Variants in RPRD1A observed in about 807,000 individuals in gnomAD.
RPRD1A encodes the protein regulation of nuclear pre-mRNA domain-containing protein 1A.
A neutral mutation model predicts 37.8 loss-of-function variants in RPRD1A; 9 were observed. That is an observed-to-expected ratio of 0.24 (90% CI 0.14 to 0.42). The LOEUF (loss-of-function observed/expected upper bound fraction) is 0.42. Among genes scored for constraint, RPRD1A ranks in the 10% least tolerant of loss-of-function variants. The pLI, the probability that RPRD1A is intolerant of heterozygous loss-of-function variation, is 1.00. For missense variants in RPRD1A, 255 were observed against 371.0 expected (o/e 0.69, Z 2.57); for synonymous variants, 138 against 139.7 (o/e 0.99, Z 0.08).
intron 1 of RPRD1A, among the ~76,000 whole-genome samples, chr18:36,053,655 GT>G (rs1913556347): frequency 6.6e-6 from 1 of 152,124 alleles, no homozygotes; most frequent in South Asian, 2.1e-4. Context: ...TTGAATATTT[GT>G]TTTCAAGTCT....
At chr18:36,050,628 C>T (rs567637696) in intron 1 of RPRD1A, among the ~76,000 whole-genome samples, 36 of 151,912 alleles carry the variant, frequency 2.4e-4, no homozygotes, top group African/African-American at 8.2e-4. Flanking sequence ...TCAATAAGTA[C>T]ATGAAACTAT....
At chr18:36,006,598 G>T (rs1186345430) in intron 6 of RPRD1A, among the ~76,000 whole-genome samples, 1 of 152,212 alleles carries the variant, frequency 6.6e-6, no homozygotes, top group South Asian at 2.1e-4. Flanking sequence ...AGAGGCCTAA[G>T]AATTCTGAGA....
chr18:35,993,939 T>C (rs552437827), intron 6 of RPRD1A, among the ~76,000 whole-genome samples: 1 of 152,212 alleles, frequency 6.6e-6, no homozygotes, highest in East Asian at 1.9e-4. Context: ...TTCCTTCTTA[T>C]GCGTGGAGGA....
Position 35,993,011 on chromosome 18 carries a change from AAAC to A in RPRD1A, c.*137_*139del. 1.5e-6 allele frequency: 1 copy of A among 665,054 alleles called. No individual in the cohort carries two copies. The highest frequency in any genetic ancestry group is 2.2e-6 in the Non-Finnish European group (1 of 448,118). 41.2% of individuals were successfully genotyped at this position (665,054 alleles called of 1,614,324 possible). On this transcript the variant is annotated 3_prime_UTR_variant, in exon 7 of 7. Coordinates refer to ENST00000399022, the MANE Select transcript of RPRD1A (RefSeq NM_018170.5). ...AAAATAGTAAACAAACCAACATTTT[AAAC>A]AATTTTATAAATTACTCGTTGTTCC...
chr18:36,050,846 A>G (rs1386783210), intron 1 of RPRD1A, among the ~76,000 whole-genome samples: 2 of 150,998 alleles, frequency 1.3e-5, no homozygotes, highest in Non-Finnish European at 2.9e-5. Context: ...CACCAGAATC[A>G]ATTTTTCTTT....
chr18:36,002,026 G>GCTTCTTTCAAGGTTTTTACGTTA (rs149934955), intron 6 of RPRD1A, among the ~76,000 whole-genome samples: 1 of 151,558 alleles, frequency 6.6e-6, no homozygotes, highest in East Asian at 1.9e-4. Flanking sequence ...TCCCCCTCTG[G>GCTTCTTTCAAGGTTTTTACGTTA]CTTCTTTCAA....
Position 35,990,997 on chromosome 18 carries a change from T to TA in RPRD1A, c.*2153dup, listed in dbSNP as rs929703030. 3 of 152,076 alleles carry TA rather than the reference T, an allele frequency of 2.0e-5. No homozygotes were observed. The highest frequency in any genetic ancestry group is 7.2e-5 in the African/African-American group (3 of 41,408). The allele number at this position is 152,076 out of a possible 1,614,324, so 9.4% of individuals were successfully genotyped here. On this transcript the variant is annotated 3_prime_UTR_variant, in exon 7 of 7. Coordinates refer to ENST00000399022, the MANE Select transcript of RPRD1A (RefSeq NM_018170.5). ...TTATCACAAATCTCATCAAGCTCTTTAAAAAAATAATGCATTTTTATCATA... is the reference window on the plus strand; with the variant it reads ...TTATCACAAATCTCATCAAGCTCTTTAAAAAAAATAATGCATTTTTATCATA...
At chr18:36,060,468 C>A (rs574608889) in intron 1 of RPRD1A, among the ~76,000 whole-genome samples, 114 of 152,272 alleles carry the variant, frequency 7.5e-4, no homozygotes, top group African/African-American at 2.7e-3. Flanking sequence ...TCTTTCACTT[C>A]TCCATTTTTC....
rs1206425466 is a variant in RPRD1A, at chr18:35,990,278, CTA to C, written c.*2871_*2872del. 2.0e-5 allele frequency: 3 copies of C among 152,244 alleles called. No individual in the cohort carries two copies. Among genetic ancestry groups the C allele is most frequent in the Admixed American group, 2.0e-4 (3 of 15,298 alleles). 9.4% of individuals were successfully genotyped at this position (152,244 alleles called of 1,614,324 possible). On this transcript the variant is annotated 3_prime_UTR_variant, in exon 7 of 7. Transcript: ENST00000399022. Reference sequence around the variant, plus strand: ...AGATTTCTCAGAATCAGTTCAGTAACTATACTTTAAAAAGATGAGTTGCTCAT... The same window carrying C: ...AGATTTCTCAGAATCAGTTCAGTAACTACTTTAAAAAGATGAGTTGCTCAT...
chr18:36,006,368 G>C (rs115471777), intron 6 of RPRD1A, among the ~76,000 whole-genome samples: 1,748 of 152,232 alleles, frequency 0.011, 42 homozygotes, highest in African/African-American at 0.04. Context: ...ATTATGTAGA[G>C]ACAGGGTCTC....
At chr18:36,034,682 C>T (rs1912064675) in intron 1 of RPRD1A, among the ~76,000 whole-genome samples, 1 of 152,090 alleles carries the variant, frequency 6.6e-6, no homozygotes, top group Admixed American at 6.6e-5. Context: ...CTTGTGGCAT[C>T]CATAGTACAG....
chr18:36,033,833 T>C lies in RPRD1A; in HGVS notation c.156A>G (p.Lys52=), dbSNP rs762723753. ...TVWERELRKA[K]PNRKLTFLYL... ...AGAGAAAAGTAAGCTTCCTGTTTGGTTTGGCTGAAAAATAAGAAAAAGTTA... is the reference window on the plus strand; with the variant it reads ...AGAGAAAAGTAAGCTTCCTGTTTGGCTTGGCTGAAAAATAAGAAAAAGTTA... The change falls in exon 2 of 7, where the codon AAA becomes AAG. Residue 52 remains lysine, a synonymous_variant. Coordinates refer to ENST00000399022, the MANE Select transcript of RPRD1A (RefSeq NM_018170.5). The C allele has an allele frequency of 9.0e-5, 144 of 1,598,910 alleles. No homozygotes were observed. Among genetic ancestry groups the C allele is most frequent in the Non-Finnish European group, 1.2e-4 (139 of 1,175,350 alleles).
At chr18:36,005,174 G>A (rs375082383) in intron 6 of RPRD1A, among the ~76,000 whole-genome samples, 3 of 151,862 alleles carry the variant, frequency 2.0e-5, no homozygotes, top group Admixed American at 6.6e-5. Flanking sequence ...GGTGGCGGGC[G>A]CCTGTAGTCC....
At chr18:35,997,139 C>T (rs543606146) in intron 6 of RPRD1A, among the ~76,000 whole-genome samples, 2 of 152,122 alleles carry the variant, frequency 1.3e-5, no homozygotes, top group East Asian at 3.9e-4. Context: ...AAATACAGTA[C>T]AAATTCCTAT....
intron 6 of RPRD1A, among the ~76,000 whole-genome samples, chr18:36,016,552 C>A (rs983380906): frequency 1.3e-5 from 2 of 152,104 alleles, no homozygotes; most frequent in Admixed American, 6.6e-5. Flanking sequence ...CTAACTCAAG[C>A]ATGAAAACCA....
chr18:36,018,759 G>T (rs1393056582), intron 6 of RPRD1A, among the ~76,000 whole-genome samples: 1 of 152,064 alleles, frequency 6.6e-6, no homozygotes, highest in Non-Finnish European at 1.5e-5. Context: ...AGTATTAATA[G>T]AAAGAATATG....
intron 4 of RPRD1A, among the ~76,000 whole-genome samples, chr18:36,030,499 A>T (rs1911699232): frequency 6.6e-6 from 1 of 152,116 alleles, no homozygotes; most frequent in African/African-American, 2.4e-5. Flanking sequence ...AAAAAATCAC[A>T]TAACAAAATA....
chr18:36,020,145 G>C (rs1910895677), intron 6 of RPRD1A, among the ~76,000 whole-genome samples: 2 of 152,176 alleles, frequency 1.3e-5, no homozygotes, highest in Non-Finnish European at 1.5e-5. Context: ...TCATCCTGAG[G>C]AATTCTGGAT....
intron 1 of RPRD1A, among the ~76,000 whole-genome samples, chr18:36,052,594 A>G (rs980604625): frequency 6.6e-6 from 1 of 151,910 alleles, no homozygotes; most frequent in African/African-American, 2.4e-5. Flanking sequence ...GTTGGTATCA[A>G]TTCATTTTTG....
Sources: gnomAD v4.1 joint callset for allele counts (sites outside exome capture counted in the v4.1 genomes callset) on GRCh38, gnomAD v4.1.1 for gene constraint, MANE v1.5 for transcripts, NCBI Gene and HGNC (gene_info 2026-07-23, HGNC 2026-07-21) for gene names.